The following GPR19 variants were observed in gnomAD, a reference collection of about 807,000 sequenced individuals.
The protein encoded by GPR19 is G protein-coupled receptor 19, also known as probable G protein-coupled receptor 19.
GPR19 carries 14 observed loss-of-function variants against 28.5 expected under a neutral mutation model. The ratio of observed to expected loss-of-function variants is 0.49; its 90% CI spans 0.32 to 0.77. GPR19 has a LOEUF of 0.77. Ranked by LOEUF, GPR19 falls within the 30% of genes least tolerant of loss-of-function variation. The probability of loss-of-function intolerance (pLI) is 0.03; values close to 1 mark genes in which losing one functional copy is unlikely to be tolerated. For synonymous variants in GPR19, 173 were observed against 184.1 expected (o/e 0.94, Z 0.49); for missense variants, 409 against 504.1 (o/e 0.81, Z 1.81).
the GPR19 span, among the ~76,000 whole-genome samples, chr12:12,713,410 T>C: frequency 3.6e-3 from 545 of 152,238 alleles, 1 homozygote; most frequent in Non-Finnish European, 5.5e-3. Flanking sequence ...CTATCCACCA[T>C]GGGCCCCCCT....
At chr12:12,703,964 A>T in the GPR19 span, among the ~76,000 whole-genome samples, 1 of 152,180 alleles carries the variant, frequency 6.6e-6, no homozygotes, top group African/African-American at 2.4e-5. Flanking sequence ...TTAAAGACTA[A>T]ATAGATTTAT....
intron 2 of GPR19, among the ~76,000 whole-genome samples, chr12:12,694,040 T>C (rs1035810134): frequency 6.6e-6 from 1 of 151,956 alleles, no homozygotes; most frequent in South Asian, 2.1e-4. Context: ...CAACCTTTGT[T>C]GCAAAATGGA....
intron 3 of GPR19, among the ~76,000 whole-genome samples, chr12:12,672,671 C>T (rs1945871062): frequency 6.6e-6 from 1 of 151,960 alleles, no homozygotes; most frequent in Non-Finnish European, 1.5e-5. Context: ...TGCTTGAACC[C>T]CGGAGGCGGA....
chr12:12,703,467 A>G, the GPR19 span: 1 of 967,866 alleles, frequency 1.0e-6, no homozygotes, highest in Non-Finnish European at 1.2e-6. Context: ...ATGGTAATCA[A>G]AGATTCCCAA....
At chr12:12,713,850 A>C in the GPR19 span, among the ~76,000 whole-genome samples, 13 of 152,168 alleles carry the variant, frequency 8.5e-5, no homozygotes, top group African/African-American at 3.1e-4. Flanking sequence ...CACTTTCTCC[A>C]TGAGGCCTTC....
At chr12:12,692,382 C>G (rs376823126) in intron 2 of GPR19, among the ~76,000 whole-genome samples, 3 of 54,114 alleles carry the variant, frequency 5.5e-5, no homozygotes, top group Non-Finnish European at 9.1e-5. Flanking sequence ...CTGCTGGCTT[C>G]TCTTGTCTTT....
intron 3 of GPR19, among the ~76,000 whole-genome samples, chr12:12,669,874 G>C (rs953646569): frequency 6.6e-6 from 1 of 152,162 alleles, no homozygotes; most frequent in African/African-American, 2.4e-5. Context: ...GTGGCCTTGA[G>C]ATAAAGACTC....
At chr12:12,665,693 C>T (rs1948006851) in intron 3 of GPR19, among the ~76,000 whole-genome samples, 2 of 151,380 alleles carry the variant, frequency 1.3e-5, no homozygotes, top group Non-Finnish European at 2.9e-5. Flanking sequence ...AAAAATTAGC[C>T]GGGCATGGTG....
the GPR19 span, among the ~76,000 whole-genome samples, chr12:12,705,229 A>C: frequency 6.6e-6 from 1 of 151,414 alleles, no homozygotes; most frequent in Non-Finnish European, 1.5e-5. Context: ...AGGCAGGAGA[A>C]TCACTTGAAC....
At chr12:12,696,892 A>G (rs2270451), upstream of GPR19, among the ~76,000 whole-genome samples, 13,556 of 152,188 alleles carry the variant, frequency 0.089, 699 homozygotes, top group East Asian at 0.18. Flanking sequence ...AACACTGGAC[A>G]CTCAGAAATC....
At chr12:12,687,213 G>C (rs1157949263) in intron 2 of GPR19, among the ~76,000 whole-genome samples, 2 of 152,184 alleles carry the variant, frequency 1.3e-5, no homozygotes, top group African/African-American at 4.8e-5. Context: ...TGGAAAAAAA[G>C]AAATTAATAT....
chr12:12,677,928 G>A (rs148011660), intron 3 of GPR19, among the ~76,000 whole-genome samples: 2,848 of 151,908 alleles, frequency 0.019, 91 homozygotes, highest in African/African-American at 0.064. Flanking sequence ...ATAAAAATTA[G>A]CTGGGCGTGG....
At chr12:12,695,666 G>A (rs752602993) in intron 1 of GPR19, among the ~76,000 whole-genome samples, 155 bp from the exon 2 acceptor site, 9 of 152,118 alleles carry the variant, frequency 5.9e-5, no homozygotes, top group East Asian at 1.9e-4. Context: ...CATTAGGGGC[G>A]TCCCGATTTC....
intron 3 of GPR19, among the ~76,000 whole-genome samples, chr12:12,677,204 ATTTT>A (rs765786361): frequency 3.0e-5 from 4 of 133,600 alleles, no homozygotes; most frequent in Non-Finnish European, 3.2e-5. Context: ...GCAGATGTTA[ATTTT>A]TTTTTTTTTT....
At chr12:12,672,296 C>G (rs1945864441) in intron 3 of GPR19, among the ~76,000 whole-genome samples, 1 of 152,194 alleles carries the variant, frequency 6.6e-6, no homozygotes, top group Non-Finnish European at 1.5e-5. Flanking sequence ...ATAAAGAATA[C>G]TATCTAATAT....
chr12:12,668,430 G>A (rs1945811338), intron 3 of GPR19, among the ~76,000 whole-genome samples: 1 of 152,130 alleles, frequency 6.6e-6, no homozygotes, highest in South Asian at 2.1e-4. Context: ...GAGGACCACA[G>A]AGAGGAATGG....
At chr12:12,671,841 T>A (rs1369146768) in intron 3 of GPR19, among the ~76,000 whole-genome samples, 1 of 152,254 alleles carries the variant, frequency 6.6e-6, no homozygotes. Context: ...AAAATATAAA[T>A]GTTTCTTAAA....
At chr12:12,683,127 T>C (rs1012522870) in intron 3 of GPR19, among the ~76,000 whole-genome samples, 1 of 152,184 alleles carries the variant, frequency 6.6e-6, no homozygotes, top group Admixed American at 6.5e-5. Context: ...ACCCATGATA[T>C]AATTCTAGAT....
At chr12:12,700,569 T>A (rs1273424626), upstream of GPR19, among the ~76,000 whole-genome samples, 1 of 152,176 alleles carries the variant, frequency 6.6e-6, no homozygotes, top group Non-Finnish European at 1.5e-5. Context: ...AATATAGGGT[T>A]AGAAGCAGGT....
Sources: gnomAD v4.1 joint callset for allele counts (sites outside exome capture counted in the v4.1 genomes callset) on GRCh38, gnomAD v4.1.1 for gene constraint, MANE v1.5 for transcripts, NCBI Gene and HGNC (gene_info 2026-07-23, HGNC 2026-07-21) for gene names.